Variants in TFDP1 observed in about 807,000 individuals in gnomAD.
TFDP1 encodes DRTF1-polypeptide 1.
Under a neutral mutation model 48.0 loss-of-function variants are expected in TFDP1, and 6 were observed. That is an observed-to-expected ratio of 0.13 (90% confidence interval 0.07 to 0.25). The LOEUF is 0.25. Among genes scored for constraint, TFDP1 ranks in the 10% least tolerant of loss-of-function variants. The pLI, the probability that TFDP1 is intolerant of heterozygous loss-of-function variation, is 1.00. For missense variants in TFDP1, 335 were observed against 543.0 expected (o/e 0.62, Z 3.81); for synonymous variants, 201 against 211.6 (o/e 0.95, Z 0.44).
Position 113,631,606 on chromosome 13 carries a change from G to A in TFDP1, c.187-17G>A. 1 of 1,610,918 alleles carries A rather than the reference G, an allele frequency of 6.2e-7. No individual in the cohort carries two copies. The highest frequency in any genetic ancestry group is 1.7e-5 in the Admixed American group (1 of 59,214). On this transcript the variant is annotated splice_polypyrimidine_tract_variant and intron_variant, in intron 4 of 11. Coordinates refer to ENST00000375370, the MANE Select transcript of TFDP1 (RefSeq NM_007111.5). ...TGGGAGGGGACTGACTGTCTGAATT[G>A]TCTTTTTCGACTGTAGGTAATTGGT...
intron 1 of TFDP1, among the ~76,000 whole-genome samples, 195 bp downstream of exon 1, chr13:113,585,083 A>C (rs2047964139): frequency 6.9e-6 from 1 of 145,808 alleles, no homozygotes; most frequent in Non-Finnish European, 1.5e-5. Flanking sequence ...TCCCCAGGTG[A>C]CCGCGGGGCG....
At chr13:113,613,687 G>GTGTC (rs144692337) in intron 3 of TFDP1, among the ~76,000 whole-genome samples, 2,222 of 146,882 alleles carry the variant, frequency 0.015, 125 homozygotes, top group East Asian at 0.061. Flanking sequence ...GCATGAGTGT[G>GTGTC]TGTGTGTATG....
intron 4 of TFDP1, among the ~76,000 whole-genome samples, chr13:113,629,066 T>G (rs1205080084): frequency 6.6e-6 from 1 of 152,126 alleles, no homozygotes; most frequent in African/African-American, 2.4e-5. Flanking sequence ...GCCGCCCCTG[T>G]GATGCTGACT....
intron 3 of TFDP1, among the ~76,000 whole-genome samples, chr13:113,622,932 G>C (rs966285446): frequency 6.6e-6 from 1 of 152,272 alleles, no homozygotes; most frequent in Non-Finnish European, 1.5e-5. Context: ...CGAGGGGCTG[G>C]AGCAGTGGAT....
rs763040462 is a variant in TFDP1 at position 113,640,319 on chromosome 13, C to CT, written c.*61dup. 2.4e-4 allele frequency: 364 copies of CT among 1,532,810 alleles called. No homozygotes were observed. Among genetic ancestry groups the CT allele is most frequent in the Admixed American group, 9.9e-4 (48 of 48,466 alleles). The allele number at this position is 1,532,810 out of a possible 1,614,324, so 95.0% of individuals were successfully genotyped here. On this transcript the variant is annotated 3_prime_UTR_variant, in exon 12 of 12. Coordinates refer to ENST00000375370, the MANE Select transcript of TFDP1 (RefSeq NM_007111.5). ...CAGGAAAACGTTTAGCGAAAAGAAACTTTTTTTTTAATGTGGGTTTTCTGT... is the reference window on the plus strand; with the variant it reads ...CAGGAAAACGTTTAGCGAAAAGAAACTTTTTTTTTTAATGTGGGTTTTCTGT...
At position 113,588,582 on chromosome 13, in the gene TFDP1, A is replaced by C. The variant is rs188593495; in HGVS notation, c.12+2733A>C. On this transcript the variant is annotated intron_variant, in intron 2 of 11. Transcript: ENST00000375370. ...TGACAGGCAGTGGGTGTGAAGGTCTATATGGCAAGGAGCTACACACGAGGG... is the reference window on the plus strand; with the variant it reads ...TGACAGGCAGTGGGTGTGAAGGTCTCTATGGCAAGGAGCTACACACGAGGG... Among the ~76,000 whole-genome samples the C allele has an allele frequency of 2.8e-4, 42 of 152,358 alleles. No individual in the cohort carries two copies. The East Asian group carries it at 7.9e-3, about 29-fold the overall frequency.
At chr13:113,625,391 CGTCTCACGTGTCCTCAGGT>C (rs1594506624) in intron 4 of TFDP1, among the ~76,000 whole-genome samples, 33 of 62,162 alleles carry the variant, frequency 5.3e-4, no homozygotes, top group Non-Finnish European at 6.1e-4. Flanking sequence ...TGTCCTCAGG[CGTCTCACGTGTCCTCAGGT>C]GTCTCTCACG....
At chr13:113,616,075 C>T (rs1378524822) in intron 3 of TFDP1, among the ~76,000 whole-genome samples, 2 of 151,774 alleles carry the variant, frequency 1.3e-5, no homozygotes, top group African/African-American at 2.4e-5. Flanking sequence ...CTGTGGTACA[C>T]GCCTGTAATC....
intron 1 of TFDP1, chr13:113,585,516 G>T: frequency 4.2e-6 from 1 of 236,226 alleles, no homozygotes; most frequent in Non-Finnish European, 8.3e-6. Context: ...GCCGCTGGGC[G>T]GGCCGTCGGG....
At chr13:113,610,172 CAT>C (rs778835228) in intron 2 of TFDP1, among the ~76,000 whole-genome samples, 44 of 151,310 alleles carry the variant, frequency 2.9e-4, no homozygotes, top group Non-Finnish European at 3.5e-4. Flanking sequence ...GCTATACTGT[CAT>C]GTGTGTGCCC....
chr13:113,630,048 A>C (rs2049292228), intron 4 of TFDP1, among the ~76,000 whole-genome samples: 1 of 152,266 alleles, frequency 6.6e-6, no homozygotes, highest in Admixed American at 6.5e-5. Flanking sequence ...GCATCTGCTG[A>C]ACTCAACGTA....
Position 113,623,320 on chromosome 13 carries a change from T to A in TFDP1, c.186+34T>A. On this transcript the variant is annotated intron_variant, in intron 4 of 11. Coordinates refer to ENST00000375370, the MANE Select transcript of TFDP1 (RefSeq NM_007111.5). The surrounding 1 kb of genome is among the most constrained non-coding windows in gnomAD (Gnocchi z 5.2). ...CCCGCAGGAGCGGACAGCCGGGATC[T>A]CGGTGTGAGGTCGGGATCGGATGAG... The A allele has an allele frequency of 6.4e-7, 1 of 1,571,520 alleles. No homozygotes were observed.
At position 113,589,628 on chromosome 13, in the gene TFDP1, G is replaced by A. The variant is rs111949355; in HGVS notation, c.12+3779G>A. On this transcript the variant is annotated intron_variant, in intron 2 of 11. Coordinates refer to ENST00000375370, the MANE Select transcript of TFDP1 (RefSeq NM_007111.5). The stretch of plus-strand genomic sequence containing the variant: ...TTCCTGAACAGGGTGGCTCTGACCC[G>A]CAGATCTGTGGGCTCCCGTTGCAGG... Among the ~76,000 whole-genome samples, 193 of 152,346 alleles carry A rather than the reference G, an allele frequency of 1.3e-3. 1 individual carries two copies. The highest frequency in any genetic ancestry group is 4.2e-3 in the African/African-American group (174 of 41,580).
intron 4 of TFDP1, among the ~76,000 whole-genome samples, chr13:113,630,181 A>ACACACACG (rs1037488320): frequency 6.6e-6 from 1 of 151,392 alleles, no homozygotes; most frequent in African/African-American, 2.4e-5. Flanking sequence ...ACACACACAC[A>ACACACACG]CGCGTATTGA....
In TFDP1 at chr13:113,640,597, A is replaced by G. The variant is rs563409980; in HGVS notation, c.*330A>G. The G allele has an allele frequency of 5.5e-5, 16 of 290,316 alleles. No homozygotes were observed. The East Asian group carries it at 1.8e-3, about 32-fold the overall frequency. 18.0% of individuals were successfully genotyped at this position (290,316 alleles called of 1,614,324 possible). A position where few individuals can be genotyped will look rare whatever the true frequency, so the allele number is the denominator to read the frequency against. On this transcript the variant is annotated 3_prime_UTR_variant, in exon 12 of 12. Coordinates refer to ENST00000375370, the MANE Select transcript of TFDP1 (RefSeq NM_007111.5). ...AGTTTGCTGAAGAAATTGTATTTCA[A>G]CCACATCCATGAAAATAAAACACCT...
intron 8 of TFDP1, among the ~76,000 whole-genome samples, 199 bp from the exon 9 acceptor site, chr13:113,635,778 C>CCCTCAGGATCCCGTTT (rs1255556137): frequency 3.9e-5 from 6 of 152,166 alleles, no homozygotes; most frequent in Non-Finnish European, 8.8e-5. Flanking sequence ...CTTAGTTCTC[C>CCCTCAGGATCCCGTTT]CCTCAGGATC....
At chr13:113,638,280 C>A (rs1400040663) in intron 11 of TFDP1, among the ~76,000 whole-genome samples, 2 of 143,324 alleles carry the variant, frequency 1.4e-5, no homozygotes, top group African/African-American at 5.2e-5. Flanking sequence ...AACGCGTCTG[C>A]GGTCTGGGCG....
intron 4 of TFDP1, among the ~76,000 whole-genome samples, chr13:113,630,385 G>A (rs114018197): frequency 2.6e-5 from 4 of 152,200 alleles, no homozygotes; most frequent in African/African-American, 7.2e-5. Flanking sequence ...TTTCTTCTCC[G>A]GAGCTGACAG....
intron 3 of TFDP1, among the ~76,000 whole-genome samples, chr13:113,612,125 T>C (rs1201410105): frequency 3.3e-5 from 5 of 152,228 alleles, no homozygotes. Flanking sequence ...GGCCCCCACC[T>C]CTCTGCTGAG....
Sources: allele counts gnomAD v4.1 joint callset (sites outside exome capture counted in the v4.1 genomes callset), GRCh38; gene constraint gnomAD v4.1.1; non-coding constraint Gnocchi (gnomAD v3.1); transcripts MANE v1.5; gene names NCBI Gene and HGNC (gene_info 2026-07-23, HGNC 2026-07-21).